Variants in WWOX observed in about 807,000 individuals in gnomAD.
WWOX encodes the protein WW domain-containing oxidoreductase.
A neutral mutation model predicts 46.2 loss-of-function variants in WWOX; 69 were observed. The observed-to-expected ratio is 1.49, with a 90% CI of 1.23 to 1.82. The LOEUF (loss-of-function observed/expected upper bound fraction) is 1.82, where lower values mean the gene tolerates loss of function less well. Among genes scored for constraint, WWOX ranks in the 40% most tolerant of loss-of-function variants. The pLI, the probability that WWOX is intolerant of heterozygous loss-of-function variation, is 0.00. For synonymous variants in WWOX, 359 were observed against 202.6 expected (o/e 1.77, Z -6.56); for missense variants, 919 against 542.6 (o/e 1.69, Z -6.89).
chr16:78,617,235 A>G (rs913458065), intron 8 of WWOX, among the ~76,000 whole-genome samples: 1 of 151,960 alleles, frequency 6.6e-6, no homozygotes, highest in Non-Finnish European at 1.5e-5. Flanking sequence ...AACACGGTGA[A>G]ACTAAGAATA....
intron 8 of WWOX, among the ~76,000 whole-genome samples, chr16:78,930,364 A>G (rs1212848659): frequency 1.4e-5 from 2 of 148,026 alleles, no homozygotes; most frequent in Admixed American, 6.7e-5. Flanking sequence ...TGCAGCCTCA[A>G]CCTCCTGGGC....
At chr16:78,845,046 A>G (rs2052261420) in intron 8 of WWOX, among the ~76,000 whole-genome samples, 1 of 152,108 alleles carries the variant, frequency 6.6e-6, no homozygotes, top group Non-Finnish European at 1.5e-5. Context: ...GAAAAGCTAC[A>G]GACAAATGGA....
At chr16:78,572,367 G>A (rs954821542) in intron 8 of WWOX, among the ~76,000 whole-genome samples, 5 of 152,110 alleles carry the variant, frequency 3.3e-5, no homozygotes, top group Non-Finnish European at 7.4e-5. Context: ...GGCCACAGTC[G>A]GCAGATGGCT....
chr16:78,798,122 G>A (rs1046854210), intron 8 of WWOX, among the ~76,000 whole-genome samples: 9 of 152,188 alleles, frequency 5.9e-5, no homozygotes, highest in African/African-American at 1.7e-4. Context: ...ATGTTATATA[G>A]GGAGCAAAGG....
chr16:78,756,320 C>T (rs188454383), intron 8 of WWOX, among the ~76,000 whole-genome samples: 16 of 150,908 alleles, frequency 1.1e-4, no homozygotes, highest in Admixed American at 7.2e-4. Context: ...GTATTTGAAA[C>T]AAACAAAAAA....
intron 8 of WWOX, among the ~76,000 whole-genome samples, chr16:78,998,096 G>T (rs556448782): frequency 6.6e-6 from 1 of 152,198 alleles, no homozygotes; most frequent in East Asian, 1.9e-4. Flanking sequence ...GGGTGGTCTT[G>T]AACTCCTGAC....
intron 8 of WWOX, among the ~76,000 whole-genome samples, chr16:78,893,852 T>C (rs2044643196): frequency 6.6e-6 from 1 of 152,140 alleles, no homozygotes; most frequent in African/African-American, 2.4e-5. Context: ...ACAGTATCTT[T>C]TGTTTTCTAG....
rs74649398 is a variant in WWOX, at chr16:78,302,742, C to A, written c.517-84118C>A. ...AGCTTTACACACTCCTGCTACTTGC[C>A]AAGACACTGTACACATTTAAGTTTG... is the stretch of plus-strand genomic sequence containing the variant. On this transcript the variant is annotated intron_variant, in intron 5 of 8. Transcript: ENST00000566780. Among the ~76,000 whole-genome samples, 109 of 152,276 alleles carry A rather than the reference C, an allele frequency of 7.2e-4. 1 individual carries two copies. In the East Asian group the frequency reaches 0.02, roughly 29 times the overall value.
At chr16:78,864,949 G>C (rs1006627736) in intron 8 of WWOX, among the ~76,000 whole-genome samples, 4 of 151,686 alleles carry the variant, frequency 2.6e-5, no homozygotes, top group Non-Finnish European at 5.9e-5. Context: ...TTTTAGTAGA[G>C]TTGGGGTTTT....
At chr16:78,421,408 C>T (rs1289674010) in intron 6 of WWOX, among the ~76,000 whole-genome samples, 3 of 152,250 alleles carry the variant, frequency 2.0e-5, no homozygotes, top group Non-Finnish European at 2.9e-5. Context: ...GTGGGTGTTC[C>T]TTCTCCCCTT....
intron 8 of WWOX, among the ~76,000 whole-genome samples, chr16:78,955,661 T>C (rs1190384500): frequency 1.3e-5 from 2 of 152,124 alleles, no homozygotes; most frequent in African/African-American, 2.4e-5. Context: ...TTTTGTTTTT[T>C]TTGTTTTGAG....
chr16:78,546,012 G>A (rs2044022383), intron 8 of WWOX, among the ~76,000 whole-genome samples: 1 of 152,180 alleles, frequency 6.6e-6, no homozygotes, highest in Non-Finnish European at 1.5e-5. Context: ...AAATTTGAGG[G>A]GGACGCAGTT....
intron 2 of WWOX, among the ~76,000 whole-genome samples, chr16:78,109,100 C>G (rs1012539986): frequency 6.6e-6 from 1 of 152,170 alleles, no homozygotes; most frequent in African/African-American, 2.4e-5. Context: ...CTTGGCTATA[C>G]TATGGAATTA....
At chr16:78,637,499 C>G (rs756457069) in intron 8 of WWOX, among the ~76,000 whole-genome samples, 1 of 152,176 alleles carries the variant, frequency 6.6e-6, no homozygotes, top group East Asian at 1.9e-4. Flanking sequence ...TTAAAGATAC[C>G]CAGCCAATGG....
At chr16:78,990,982 C>G (rs2046876614) in intron 8 of WWOX, among the ~76,000 whole-genome samples, 1 of 152,368 alleles carries the variant, frequency 6.6e-6, no homozygotes, top group Admixed American at 6.5e-5. Flanking sequence ...AAAACCCTGG[C>G]AAGGACAGCC....
At chr16:79,019,985 C>T (rs1441148501) in intron 8 of WWOX, among the ~76,000 whole-genome samples, 1 of 152,204 alleles carries the variant, frequency 6.6e-6, no homozygotes, top group Non-Finnish European at 1.5e-5. Context: ...CACTTCTCTA[C>T]TAATCCCCAC....
At chr16:78,153,948 C>T (rs760002937) in intron 4 of WWOX, among the ~76,000 whole-genome samples, 1 of 152,062 alleles carries the variant, frequency 6.6e-6, no homozygotes, top group Non-Finnish European at 1.5e-5. Context: ...GGACAGGGTT[C>T]CCACCTTCAT....
intron 5 of WWOX, among the ~76,000 whole-genome samples, chr16:78,360,242 C>A (rs2081381486): frequency 6.6e-6 from 1 of 152,192 alleles, no homozygotes; most frequent in African/African-American, 2.4e-5. Flanking sequence ...AGCCATTTCA[C>A]TGGTGTTCTG....
intron 8 of WWOX, among the ~76,000 whole-genome samples, chr16:79,005,255 G>A (rs1405695308): frequency 1.3e-5 from 2 of 152,082 alleles, no homozygotes; most frequent in Non-Finnish European, 1.5e-5. Context: ...CCCAAGAGCC[G>A]ATCTCCAGCC....
Sources: gnomAD v4.1 joint callset for allele counts (sites outside exome capture counted in the v4.1 genomes callset) on GRCh38, gnomAD v4.1.1 for gene constraint, MANE v1.5 for transcripts, NCBI Gene and HGNC (gene_info 2026-07-23, HGNC 2026-07-21) for gene names.